KLHL8: variants seen among roughly 807,000 people sequenced by gnomAD.
KLHL8 encodes the protein kelch-like protein 8.
In KLHL8, 38 loss-of-function variants were observed where a neutral mutation model predicts 63.5. The observed-to-expected ratio is 0.60, with a 90% confidence interval of 0.46 to 0.78. The LOEUF is 0.78. KLHL8 is among the 30% of genes least tolerant of loss of function. The pLI is 0.00. For missense variants in KLHL8, 566 were observed against 752.4 expected (o/e 0.75, Z 2.90); for synonymous variants, 224 against 254.3 (o/e 0.88, Z 1.13).
chr4:87,177,407 C>A (rs985347970), intron 5 of KLHL8, among the ~76,000 whole-genome samples: 24 of 151,692 alleles, frequency 1.6e-4, no homozygotes, highest in Admixed American at 9.2e-4. Flanking sequence ...CTTGGGAGGC[C>A]GAGGCAGAAT....
chr4:87,234,995 C>G (rs1733201937), intron 1 of KLHL8, among the ~76,000 whole-genome samples: 1 of 152,188 alleles, frequency 6.6e-6, no homozygotes, highest in African/African-American at 2.4e-5. Flanking sequence ...TTTTGAATGG[C>G]TGTACAGTGT....
intron 4 of KLHL8, among the ~76,000 whole-genome samples, chr4:87,181,957 G>A (rs991562755): frequency 2.0e-5 from 3 of 152,018 alleles, no homozygotes; most frequent in African/African-American, 4.8e-5. Flanking sequence ...GGCCGGGCGC[G>A]ATGACTCACG....
intron 3 of KLHL8, among the ~76,000 whole-genome samples, chr4:87,184,343 G>A (rs1578373466): frequency 6.6e-6 from 1 of 152,156 alleles, no homozygotes; most frequent in Non-Finnish European, 1.5e-5. Context: ...ACTCTGAATA[G>A]GTTTACTTCA....
intron 8 of KLHL8, among the ~76,000 whole-genome samples, chr4:87,164,417 A>G (rs1426206090): frequency 1.3e-5 from 2 of 152,216 alleles, no homozygotes; most frequent in African/African-American, 4.8e-5. Flanking sequence ...TTAGCCGTCT[A>G]GAGACAAGCA....
At position 87,185,695 on chromosome 4, in the gene KLHL8, C is replaced by T. The variant is rs374774202; in HGVS notation, c.321G>A (p.Leu107=). 1.2e-6 allele frequency: 2 copies of T among 1,614,040 alleles called. No homozygotes were observed. Among genetic ancestry groups the T allele is most frequent in the South Asian group, 1.1e-5 (1 of 91,080 alleles). Residue 107 remains leucine, a synonymous_variant, in exon 3 of 10, where the codon CTG becomes CTA. Coordinates refer to ENST00000273963, the MANE Select transcript of KLHL8 (RefSeq NM_020803.5). ...LSEMAEAKQT[L]IEIRDFDGDA... is the part of the protein sequence containing the mutation. ...CACCATCAAAATCTCTAATCTCAAT[C>T]AGCGTTTGCTTGGCTTCAGCCATTT...
intron 1 of KLHL8, among the ~76,000 whole-genome samples, chr4:87,196,519 T>A (rs1021639973): frequency 6.6e-6 from 1 of 152,162 alleles, no homozygotes; most frequent in Non-Finnish European, 1.5e-5. Context: ...AAAATAGAGA[T>A]ACCACTTAAG....
At chr4:87,164,206 T>G (rs372284316) in intron 8 of KLHL8, 127 bp from the exon 9 acceptor site, 1 of 824,958 alleles carries the variant, frequency 1.2e-6, no homozygotes, top group Non-Finnish European at 1.9e-6. Flanking sequence ...AAAATTTTTT[T>G]AAAAAATTCA....
chr4:87,229,076 C>A (rs1733086331), intron 1 of KLHL8, among the ~76,000 whole-genome samples: 2 of 152,178 alleles, frequency 1.3e-5, no homozygotes, highest in Admixed American at 6.5e-5. Context: ...AAACTTTTAG[C>A]CTGTTTCCTC....
chr4:87,200,662 C>T (rs555509272), intron 1 of KLHL8, among the ~76,000 whole-genome samples: 75 of 152,280 alleles, frequency 4.9e-4, no homozygotes, highest in South Asian at 1.7e-3. Context: ...CTTAGAGAAA[C>T]TGGAAACCCT....
chr4:87,199,183 C>CA (rs1193362315), intron 1 of KLHL8, among the ~76,000 whole-genome samples: 9 of 151,778 alleles, frequency 5.9e-5, no homozygotes, highest in African/African-American at 1.5e-4. Flanking sequence ...ACAAGAACAA[C>CA]AAAAAAACCC....
intron 1 of KLHL8, among the ~76,000 whole-genome samples, chr4:87,212,807 T>C (rs910189061): frequency 1.3e-5 from 2 of 152,194 alleles, no homozygotes; most frequent in African/African-American, 4.8e-5. Context: ...TGTTACTACA[T>C]GCTGTATAGG....
intron 8 of KLHL8, 84 bp from the exon 9 acceptor site, chr4:87,164,163 A>C (rs990074300): frequency 1.7e-6 from 2 of 1,206,620 alleles, no homozygotes; most frequent in African/African-American, 3.1e-5. Context: ...TTTACAACCC[A>C]ATCTTTTAAA....
chr4:87,213,921 C>T (rs913314459), intron 1 of KLHL8, among the ~76,000 whole-genome samples: 7 of 152,114 alleles, frequency 4.6e-5, no homozygotes, highest in Non-Finnish European at 1.0e-4. Flanking sequence ...ATTGTGCAGC[C>T]TCGGGCAAGT....
intron 1 of KLHL8, among the ~76,000 whole-genome samples, chr4:87,204,238 C>T (rs1464260890): frequency 6.6e-6 from 1 of 152,102 alleles, no homozygotes; most frequent in African/African-American, 2.4e-5. Context: ...CATACACACA[C>T]CCCACAACCA....
At chr4:87,233,527 T>C (rs1578413098) in intron 1 of KLHL8, among the ~76,000 whole-genome samples, 1 of 152,148 alleles carries the variant, frequency 6.6e-6, no homozygotes, top group African/African-American at 2.4e-5. Context: ...GCGCTGAGAC[T>C]GTGCACTGTA....
Position 87,162,748 on chromosome 4 carries a change from A to G in KLHL8, c.*771T>C, listed in dbSNP as rs1730220024. 6.6e-6 allele frequency: 1 copy of G among 152,216 alleles called. No individual in the cohort carries two copies. Among genetic ancestry groups the G allele is most frequent in the East Asian group, 1.9e-4 (1 of 5,202 alleles). 9.4% of individuals were successfully genotyped at this position (152,216 alleles called of 1,614,324 possible). A position where few individuals can be genotyped will look rare whatever the true frequency, so the allele number is the denominator to read the frequency against. Reference sequence around the variant, plus strand: ...CTCAATTGGGCACCAGAATAACATCAGATCTAAAACCTTGTTCAATATTTC... The same window carrying G: ...CTCAATTGGGCACCAGAATAACATCGGATCTAAAACCTTGTTCAATATTTC... On this transcript the variant is annotated 3_prime_UTR_variant, in exon 10 of 10. Coordinates refer to ENST00000273963, the MANE Select transcript of KLHL8 (RefSeq NM_020803.5).
At chr4:87,206,217 C>T (rs1732126866) in intron 1 of KLHL8, among the ~76,000 whole-genome samples, 1 of 152,178 alleles carries the variant, frequency 6.6e-6, no homozygotes, top group East Asian at 1.9e-4. Flanking sequence ...TTCAGATCCA[C>T]ATACTAACCT....
At chr4:87,180,860 TA>T (rs1166184935) in intron 4 of KLHL8, among the ~76,000 whole-genome samples, 1 of 151,844 alleles carries the variant, frequency 6.6e-6, no homozygotes, top group Non-Finnish European at 1.5e-5. Context: ...ATGGGCAATA[TA>T]GTGAGACCCA....
intron 1 of KLHL8, among the ~76,000 whole-genome samples, chr4:87,236,389 G>C (rs191899603): frequency 2.1e-4 from 31 of 151,112 alleles, no homozygotes; most frequent in African/African-American, 7.5e-4. Flanking sequence ...TTGTATTTTT[G>C]GTAGAGACGG....
Sources: allele counts gnomAD v4.1 joint callset (sites outside exome capture counted in the v4.1 genomes callset), GRCh38; gene constraint gnomAD v4.1.1; transcripts MANE v1.5; gene names NCBI Gene and HGNC (gene_info 2026-07-23, HGNC 2026-07-21).